Variants in RRP12 observed in about 807,000 individuals in gnomAD.
The protein encoded by RRP12 is ribosomal RNA processing 12 homolog.
A neutral mutation model predicts 157.3 loss-of-function variants in RRP12; 78 were observed. The ratio of observed to expected loss-of-function variants is 0.50; its 90% CI spans 0.41 to 0.60. RRP12 has a LOEUF of 0.60. RRP12 is among the 20% of genes least tolerant of loss of function. RRP12 has a pLI of 0.00. For synonymous variants in RRP12, 726 were observed against 670.9 expected, an observed-to-expected ratio of 1.08 and a Z score of -1.27; for missense variants, 1,521 against 1,679.9, an observed-to-expected ratio of 0.91 and a Z score of 1.65.
At chr10:97,365,345 C>G (rs1396945356) in intron 29 of RRP12, among the ~76,000 whole-genome samples, 1 of 147,372 alleles carries the variant, frequency 6.8e-6, no homozygotes, top group African/African-American at 2.5e-5. Context: ...ACAATCTTGG[C>G]TCACTGCAAG....
chr10:97,390,707 G>T, intron 5 of RRP12, 32 bp downstream of exon 5: 2 of 1,513,488 alleles, frequency 1.3e-6, no homozygotes, highest in Non-Finnish European at 1.8e-6. Flanking sequence ...TCTGGGAGTC[G>T]CCAGATGAGA....
At chr10:97,365,667 C>A (rs1843955493) in intron 29 of RRP12, among the ~76,000 whole-genome samples, 1 of 151,740 alleles carries the variant, frequency 6.6e-6, no homozygotes, top group South Asian at 2.1e-4. Flanking sequence ...GAGGGACTCC[C>A]GGGCAATGTG....
chr10:97,388,234 T>G lies in RRP12; in HGVS notation c.1017+18A>C. 1.2e-6 allele frequency: 2 copies of G among 1,613,488 alleles called. No individual in the cohort carries two copies. Among genetic ancestry groups the G allele is most frequent in the Non-Finnish European group, 1.7e-6 (2 of 1,179,952 alleles). On this transcript the variant is annotated intron_variant, in intron 8 of 33. Transcript: ENST00000370992. ...CACTGCAGGTCCCCCTTTCTCCAGC[T>G]TTTGGGCCTGAGCTCACCACATGGC...
At chr10:97,371,960 G>C in intron 20 of RRP12, 113 bp downstream of exon 20, 1 of 679,088 alleles carries the variant, frequency 1.5e-6, no homozygotes, top group South Asian at 1.8e-5. Flanking sequence ...AGCAGACAGG[G>C]ACCTGATCTC....
chr10:97,364,289 G>A (rs1843916299), intron 29 of RRP12, among the ~76,000 whole-genome samples: 1 of 152,168 alleles, frequency 6.6e-6, no homozygotes, highest in Non-Finnish European at 1.5e-5. Context: ...TGCCAGGAAG[G>A]CTTCATTCTC....
intron 20 of RRP12, 153 bp from the exon 21 acceptor site, chr10:97,371,234 G>A (rs1844145018): frequency 3.8e-6 from 3 of 799,196 alleles, no homozygotes; most frequent in Non-Finnish European, 5.9e-6. Flanking sequence ...GACAGCGAGT[G>A]GCTAACTCCT....
intron 8 of RRP12, among the ~76,000 whole-genome samples, chr10:97,387,331 T>A (rs545875757): frequency 2.0e-4 from 30 of 150,832 alleles, no homozygotes; most frequent in Admixed American, 1.3e-3. Context: ...TTTTTTTCTT[T>A]TTCCTTTTTT....
intron 15 of RRP12, among the ~76,000 whole-genome samples, chr10:97,376,535 C>A (rs1344490200): frequency 6.6e-6 from 1 of 152,100 alleles, no homozygotes; most frequent in African/African-American, 2.4e-5. Flanking sequence ...TTAAGCACTT[C>A]CTGTATATTC....
chr10:97,386,394 A>C (rs1005236929), intron 8 of RRP12, among the ~76,000 whole-genome samples: 1 of 150,830 alleles, frequency 6.6e-6, no homozygotes, highest in Non-Finnish European at 1.5e-5. Context: ...TCGTCTCACT[A>C]TGTTGCCCAA....
chr10:97,357,683 G>T (rs1843744220), intron 33 of RRP12, among the ~76,000 whole-genome samples: 1 of 152,212 alleles, frequency 6.6e-6, no homozygotes, highest in African/African-American at 2.4e-5. Context: ...CTATGGCTGG[G>T]CGTGGTGGCT....
chr10:97,389,835 C>A (rs918684065), intron 6 of RRP12, among the ~76,000 whole-genome samples: 1 of 152,128 alleles, frequency 6.6e-6, no homozygotes, highest in Non-Finnish European at 1.5e-5. Context: ...GCCTCAGCCT[C>A]CCGAGTAGCT....
At position 97,370,906 on chromosome 10, in the gene RRP12, G is replaced by A; in HGVS notation, c.2502+17C>T. On this transcript the variant is annotated intron_variant, in intron 21 of 33. Coordinates refer to ENST00000370992, the MANE Select transcript of RRP12 (RefSeq NM_015179.4). ...CCCAGGCTCCCTCGGCAGAGCGGGT[G>A]GCCCTAGAGCCCTCACCCTCTTGGC... The A allele has an allele frequency of 9.9e-6, 16 of 1,613,428 alleles. No individual in the cohort carries two copies. The highest frequency in any genetic ancestry group is 8.5e-7 in the Non-Finnish European group (1 of 1,179,642).
At chr10:97,390,264 G>A (rs1302250882) in intron 6 of RRP12, among the ~76,000 whole-genome samples, 159 bp downstream of exon 6, 1 of 152,204 alleles carries the variant, frequency 6.6e-6, no homozygotes, top group Non-Finnish European at 1.5e-5. Flanking sequence ...GAGCCGCCCT[G>A]CCTTCTGCAT....
At chr10:97,379,588 G>A (rs759023009) in intron 14 of RRP12, 40 bp downstream of exon 14, 1 of 1,610,284 alleles carries the variant, frequency 6.2e-7, no homozygotes, top group Non-Finnish European at 8.5e-7. Context: ...GAGAGAACAA[G>A]CCTGGGGCTT....
chr10:97,363,962 T>C, intron 29 of RRP12, 59 bp from the exon 30 acceptor site: 1 of 1,508,936 alleles, frequency 6.6e-7, no homozygotes, highest in Non-Finnish European at 9.2e-7. Context: ...ACCTACCCTT[T>C]CCTTCTGCCC....
chr10:97,396,874 C>T (rs775107814), intron 2 of RRP12, among the ~76,000 whole-genome samples: 2 of 152,144 alleles, frequency 1.3e-5, no homozygotes, highest in Non-Finnish European at 2.9e-5. Context: ...AAGCAATTCT[C>T]CTGCCTCAGC....
chr10:97,382,675 A>G (rs1844503454), intron 10 of RRP12, among the ~76,000 whole-genome samples: 1 of 152,114 alleles, frequency 6.6e-6, no homozygotes. Context: ...CAATCACATC[A>G]TACCTGCTAT....
chr10:97,389,142 C>T (rs373957889), intron 6 of RRP12, among the ~76,000 whole-genome samples: 3 of 152,200 alleles, frequency 2.0e-5, no homozygotes, highest in Admixed American at 2.0e-4. Context: ...GTAGCCCAGG[C>T]GGAGTGCAGT....
Position 97,373,175 on chromosome 10 carries a change from G to A in RRP12, c.2052C>T (p.Arg684=). 6.2e-7 allele frequency: 1 copy of A among 1,614,210 alleles called. No homozygotes were observed. The highest frequency in any genetic ancestry group is 1.3e-5 in the African/African-American group (1 of 75,060). The change falls in exon 18 of 34, where the codon CGC becomes CGT. Residue 684 remains arginine, a synonymous_variant. Transcript: ENST00000370992. ...QAEADRAEVS[R]FAKNFLPILF... is the part of the protein sequence containing the mutation. ...GGATCGGCAGAAAGTTCTTGGCAAA[G>A]CGACTCACTTCAGCACGGTCAGCCT...
Sources: allele counts gnomAD v4.1 joint callset (sites outside exome capture counted in the v4.1 genomes callset), GRCh38; gene constraint gnomAD v4.1.1; transcripts MANE v1.5; gene names NCBI Gene and HGNC (gene_info 2026-07-23, HGNC 2026-07-21).